PRKG1: variants seen among roughly 807,000 people sequenced by gnomAD.
The protein encoded by PRKG1 is protein kinase cGMP-dependent 1.
PRKG1 carries 35 observed loss-of-function variants against 88.1 expected under a neutral mutation model. That is an observed-to-expected ratio of 0.40 (90% CI 0.30 to 0.53). The LOEUF (loss-of-function observed/expected upper bound fraction) is 0.53. Ranked by LOEUF, PRKG1 falls within the 20% of genes least tolerant of loss-of-function variation. PRKG1 has a pLI of 0.59. For missense variants in PRKG1, 540 were observed against 839.8 expected (o/e 0.64, Z 4.41); for synonymous variants, 303 against 292.5 (o/e 1.04, Z -0.37).
At chr10:51,759,792 T>TTG (rs887081421) in intron 3 of PRKG1, among the ~76,000 whole-genome samples, 10 of 151,294 alleles carry the variant, frequency 6.6e-5, no homozygotes, top group African/African-American at 2.2e-4. Flanking sequence ...GTGTGTGTGT[T>TTG]TGTGTGTGTG....
chr10:51,181,223 A>ATTT (rs1837333580), intron 2 of PRKG1, among the ~76,000 whole-genome samples: 16 of 102,454 alleles, frequency 1.6e-4, no homozygotes, highest in Non-Finnish European at 2.5e-4. Context: ...TATTATATAG[A>ATTT]ATTTTTTTTT....
chr10:51,935,611 C>T (rs983539157), intron 5 of PRKG1, among the ~76,000 whole-genome samples: 2 of 152,134 alleles, frequency 1.3e-5, no homozygotes, highest in Admixed American at 6.6e-5. Flanking sequence ...TCATGAAAGA[C>T]TTCTTAGTTA....
At chr10:51,652,076 T>C (rs1227669134) in intron 3 of PRKG1, among the ~76,000 whole-genome samples, 1 of 152,194 alleles carries the variant, frequency 6.6e-6, no homozygotes, top group Non-Finnish European at 1.5e-5. Context: ...AAGAATTGAG[T>C]TTCTGCTGTT....
intron 4 of PRKG1, among the ~76,000 whole-genome samples, chr10:51,865,839 A>G (rs1269035819): frequency 6.6e-6 from 1 of 152,056 alleles, no homozygotes; most frequent in Admixed American, 6.6e-5. Context: ...GTATTACTTT[A>G]TTTGAATTTC....
chr10:51,646,591 A>G lies in PRKG1; in HGVS notation c.593-157994A>G, dbSNP rs1564588331. On this transcript the variant is annotated intron_variant, in intron 3 of 17. Coordinates refer to ENST00000373980, the MANE Select transcript of PRKG1 (RefSeq NM_006258.4). ...TCCGTAAACATTTATGGACAGTTAC[A>G]TTAAAAACAATTAAGAAGAGCTTAC... 1.3e-5 allele frequency among the ~76,000 whole-genome samples: 2 copies of G among 152,118 alleles called. 1 individual carries two copies. The highest frequency in any genetic ancestry group is 3.9e-4 in the East Asian group (2 of 5,192).
chr10:51,448,972 T>C (rs1839353449), intron 2 of PRKG1, among the ~76,000 whole-genome samples: 1 of 152,066 alleles, frequency 6.6e-6, no homozygotes, highest in African/African-American at 2.4e-5. Flanking sequence ...TATTAAAACA[T>C]GCTATGTGTC....
At chr10:51,314,201 G>A (rs1841263481) in intron 2 of PRKG1, among the ~76,000 whole-genome samples, 1 of 152,086 alleles carries the variant, frequency 6.6e-6, no homozygotes, top group Non-Finnish European at 1.5e-5. Flanking sequence ...GTACAGCCAG[G>A]GCTTACCAGG....
At chr10:52,134,488 T>A (rs1197800702) in intron 8 of PRKG1, among the ~76,000 whole-genome samples, 1 of 152,152 alleles carries the variant, frequency 6.6e-6, no homozygotes, top group Non-Finnish European at 1.5e-5. Context: ...TGGCTTGCTC[T>A]TTTCATTACC....
intron 3 of PRKG1, among the ~76,000 whole-genome samples, chr10:51,793,086 A>G (rs974072993): frequency 5.4e-5 from 8 of 147,358 alleles, no homozygotes; most frequent in African/African-American, 2.0e-4. Flanking sequence ...AGATGTAAGA[A>G]CTGCCCAACA....
intron 3 of PRKG1, among the ~76,000 whole-genome samples, chr10:51,724,379 A>G (rs149195389): frequency 1.4e-4 from 21 of 152,296 alleles, no homozygotes; most frequent in African/African-American, 4.8e-4. Flanking sequence ...TAGATTTCCT[A>G]TATTTACCAC....
At chr10:51,255,462 C>T (rs941376454) in intron 2 of PRKG1, among the ~76,000 whole-genome samples, 1 of 152,110 alleles carries the variant, frequency 6.6e-6, no homozygotes, top group Non-Finnish European at 1.5e-5. Flanking sequence ...TAAACAACGA[C>T]ATTTATTTAT....
rs1002713458 is a variant in PRKG1 at position 51,487,114 on chromosome 10, G to A, written c.592+19278G>A. ...AAGCAAAGTGTAGAGTTAAAAGTACGTAAACCTTATAAATACTGCCAAGCC... is the reference window on the plus strand; with the variant it reads ...AAGCAAAGTGTAGAGTTAAAAGTACATAAACCTTATAAATACTGCCAAGCC... On this transcript the variant is annotated intron_variant, in intron 3 of 17. Transcript: ENST00000373980. Among the ~76,000 whole-genome samples, 8 of 152,176 alleles carry A rather than the reference G, an allele frequency of 5.3e-5. No homozygotes were observed. The East Asian group carries it at 5.8e-4, about 11-fold the overall frequency.
chr10:51,544,022 AT>A (rs1256399250), intron 3 of PRKG1, among the ~76,000 whole-genome samples: 1 of 152,218 alleles, frequency 6.6e-6, no homozygotes, highest in Non-Finnish European at 1.5e-5. Flanking sequence ...CAATGGAAAC[AT>A]CTGTAAAATA....
intron 4 of PRKG1, among the ~76,000 whole-genome samples, chr10:51,858,333 A>T (rs867346576): frequency 1.9e-4 from 5 of 25,926 alleles, no homozygotes; most frequent in Non-Finnish European, 2.5e-4. Context: ...ATTATATATA[A>T]TATATATATT....
intron 3 of PRKG1, among the ~76,000 whole-genome samples, chr10:51,601,917 T>C (rs192030139): frequency 1.4e-4 from 21 of 152,008 alleles, no homozygotes; most frequent in African/African-American, 4.6e-4. Context: ...TTAAAATGTT[T>C]GATGCTGACA....
chr10:51,597,421 C>A (rs2132219613), intron 3 of PRKG1, among the ~76,000 whole-genome samples: 1 of 152,250 alleles, frequency 6.6e-6, no homozygotes, highest in Non-Finnish European at 1.5e-5. Flanking sequence ...TATTTAAGAG[C>A]TATTGAGAAT....
chr10:51,472,539 A>T (rs536966528), intron 3 of PRKG1, among the ~76,000 whole-genome samples: 7 of 152,110 alleles, frequency 4.6e-5, no homozygotes, highest in Non-Finnish European at 8.8e-5. Flanking sequence ...GTTAATGAAA[A>T]GGAGTCATTG....
chr10:52,096,161 G>A (rs1303076635), intron 7 of PRKG1, among the ~76,000 whole-genome samples: 6 of 152,126 alleles, frequency 3.9e-5, no homozygotes, highest in Non-Finnish European at 7.3e-5. Context: ...GTACTCTCTG[G>A]TGCTACATCT....
At chr10:51,340,695 A>G (rs1841985405) in intron 2 of PRKG1, among the ~76,000 whole-genome samples, 1 of 152,204 alleles carries the variant, frequency 6.6e-6, no homozygotes, top group African/African-American at 2.4e-5. Flanking sequence ...GCTTCAGAGA[A>G]CACCTAACTT....
Sources: gnomAD v4.1 joint callset for allele counts (sites outside exome capture counted in the v4.1 genomes callset) on GRCh38, gnomAD v4.1.1 for gene constraint, MANE v1.5 for transcripts, NCBI Gene and HGNC (gene_info 2026-07-23, HGNC 2026-07-21) for gene names.